ZNF462: variants seen among roughly 807,000 people sequenced by gnomAD.
ZNF462 encodes zinc finger PBX1-interacting protein.
A neutral mutation model predicts 201.9 loss-of-function variants in ZNF462; 10 were observed. The ratio of observed to expected loss-of-function variants is 0.05; its 90% CI spans 0.03 to 0.08. The LOEUF is 0.08. Among genes scored for constraint, ZNF462 ranks in the 10% least tolerant of loss-of-function variants. The pLI is 1.00. For synonymous variants in ZNF462, 1,227 were observed against 1,193.3 expected (o/e 1.03, Z -0.58); for missense variants, 2,523 against 3,168.3 (o/e 0.80, Z 4.89).
chr9:106,900,836 T>C (rs555716302), intron 1 of ZNF462, among the ~76,000 whole-genome samples: 11 of 152,300 alleles, frequency 7.2e-5, no homozygotes, highest in African/African-American at 2.6e-4. Context: ...CTCTGTGGGT[T>C]GTCTGTTTAC....
At chr9:107,001,299 G>A (rs1829165846) in intron 10 of ZNF462, among the ~76,000 whole-genome samples, 2 of 152,140 alleles carry the variant, frequency 1.3e-5, no homozygotes, top group Non-Finnish European at 2.9e-5. Context: ...AGACTTTGTG[G>A]CTAAACATAA....
Position 106,923,745 on chromosome 9 carries a change from T to C in ZNF462, c.220+142T>C. 1 of 775,362 alleles carries C rather than the reference T, an allele frequency of 1.3e-6. No individual in the cohort carries two copies. Among genetic ancestry groups the C allele is most frequent in the Non-Finnish European group, 2.1e-6 (1 of 487,082 alleles). 48.0% of individuals were successfully genotyped at this position (775,362 alleles called of 1,614,324 possible). A position where few individuals can be genotyped will look rare whatever the true frequency, so the allele number is the denominator to read the frequency against. ...AGCCATTTTTGTGGTTTGGGCATCA[T>C]GTATCTCTCCTTGAGTACCTTAGGT... is the stretch of plus-strand genomic sequence containing the variant. On this transcript the variant is annotated intron_variant, in intron 2 of 12. Coordinates refer to ENST00000277225, the MANE Select transcript of ZNF462 (RefSeq NM_021224.6). This position sits in a 1 kb window ranked among gnomAD's most constrained non-coding sequence, Gnocchi z 5.6.
Position 107,006,153 on chromosome 9 carries a change from C to A in ZNF462, c.7189+2727C>A, listed in dbSNP as rs1340408337. On this transcript the variant is annotated intron_variant, in intron 11 of 12. Coordinates refer to ENST00000277225, the MANE Select transcript of ZNF462 (RefSeq NM_021224.6). This position sits in a 1 kb window ranked among gnomAD's most constrained non-coding sequence, Gnocchi z 4.3. The stretch of plus-strand genomic sequence containing the variant: ...ACTTCGTTCTGTTTGTTTAAGATTT[C>A]TTTGGCTATCCAGGGTGTGGTTCCA... Among the ~76,000 whole-genome samples the A allele has an allele frequency of 2.0e-5, 3 of 152,090 alleles. No individual in the cohort carries two copies. The highest frequency in any genetic ancestry group is 2.9e-5 in the Non-Finnish European group (2 of 68,018).
chr9:106,919,843 A>G lies in ZNF462; in HGVS notation c.-30-3511A>G, dbSNP rs1284928665. Reference sequence around the variant, plus strand: ...ATTTGACCTTGAAGGGCCTAGACATATATCTGGGGTAGAAGACAGGGATGC... The same window carrying G: ...ATTTGACCTTGAAGGGCCTAGACATGTATCTGGGGTAGAAGACAGGGATGC... On this transcript the variant is annotated intron_variant, in intron 1 of 12. Transcript: ENST00000277225. This position sits in a 1 kb window ranked among gnomAD's most constrained non-coding sequence, Gnocchi z 4.5. 6.6e-6 allele frequency among the ~76,000 whole-genome samples: 1 copy of G among 152,210 alleles called. No homozygotes were observed. The highest frequency in any genetic ancestry group is 1.9e-4 in the East Asian group (1 of 5,186).
intron 1 of ZNF462, among the ~76,000 whole-genome samples, chr9:106,915,676 G>A (rs1275476870): frequency 6.6e-6 from 1 of 152,202 alleles, no homozygotes; most frequent in Non-Finnish European, 1.5e-5. Flanking sequence ...TTCTGCTACA[G>A]GCAGAAGTCA....
chr9:106,887,426 C>T (rs1363712147), intron 1 of ZNF462, among the ~76,000 whole-genome samples: 1 of 152,186 alleles, frequency 6.6e-6, no homozygotes, highest in East Asian at 1.9e-4. Context: ...CAGGATAATA[C>T]AGAGCCCAAC....
At chr9:106,980,781 G>A (rs1187834095) in intron 9 of ZNF462, among the ~76,000 whole-genome samples, 1 of 152,172 alleles carries the variant, frequency 6.6e-6, no homozygotes, top group East Asian at 1.9e-4. Flanking sequence ...AGTGCTAGAA[G>A]CTGAGTCACA....
chr9:106,879,061 T>C (rs1827966535), intron 1 of ZNF462, among the ~76,000 whole-genome samples: 1 of 152,176 alleles, frequency 6.6e-6, no homozygotes, highest in Non-Finnish European at 1.5e-5. Flanking sequence ...ATTGCATGGC[T>C]GCTGAGAGGG....
rs1829855729 is a variant in ZNF462 at position 107,010,298 on chromosome 9, A to G, written c.7314-525A>G. 6.6e-6 allele frequency among the ~76,000 whole-genome samples: 1 copy of G among 152,180 alleles called. No individual in the cohort carries two copies. The highest frequency in any genetic ancestry group is 1.5e-5 in the Non-Finnish European group (1 of 68,018). ...CTGAAGCCTCAAGGGTCTAGACCTC[A>G]GAGAATATAACCAAGCTTCCCGAGA... On this transcript the variant is annotated intron_variant, in intron 12 of 12. Transcript: ENST00000277225. This position sits in a 1 kb window ranked among gnomAD's most constrained non-coding sequence, Gnocchi z 4.6.
chr9:106,929,157 C>T lies in ZNF462; in HGVS notation c.5245C>T (p.Pro1749Ser), dbSNP rs929720384. The change falls in exon 3 of 13, where the codon CCC becomes TCC. Residue 1749 changes from proline to serine, a missense_variant. Physicochemically the swap from Pro to Ser is moderately conservative, Grantham distance 74. Around this residue, in one of 15 missense-constraint regions of ZNF462, gnomAD observed 207 missense variants for 231.6 expected, o/e 0.89. Transcript: ENST00000277225. This position sits in a 1 kb window ranked among gnomAD's most constrained non-coding sequence, Gnocchi z 8.7. ...CAACAAAGTGATCATCCCATCCCCGCCCAAGGACGACTCCCCTCAGCTGAG... is the reference window on the plus strand; with the variant it reads ...CAACAAAGTGATCATCCCATCCCCGTCCAAGGACGACTCCCCTCAGCTGAG... ...KPNKVIIPSP[P>S]KDDSPQLSEE... 4 of 1,613,994 alleles carry T rather than the reference C, an allele frequency of 2.5e-6. No homozygotes were observed. The highest frequency in any genetic ancestry group is 3.4e-6 in the Non-Finnish European group (4 of 1,180,026).
rs1363886985 is a variant in ZNF462, at chr9:107,006,938, C to T, written c.7190-2607C>T. On this transcript the variant is annotated intron_variant, in intron 11 of 12. Transcript: ENST00000277225. This position sits in a 1 kb window ranked among gnomAD's most constrained non-coding sequence, Gnocchi z 4.3. ...TTCTTACAAGGAAAACGGTTGTGAT[C>T]GGAGAAGCATGGCTTCTTTCTTTTT... Among the ~76,000 whole-genome samples, 4 of 152,118 alleles carry T rather than the reference C, an allele frequency of 2.6e-5. No individual in the cohort carries two copies. The highest frequency in any genetic ancestry group is 2.1e-4 in the South Asian group (1 of 4,824).
chr9:106,996,665 G>A (rs1828755941), intron 10 of ZNF462, among the ~76,000 whole-genome samples: 1 of 151,962 alleles, frequency 6.6e-6, no homozygotes, highest in Non-Finnish European at 1.5e-5. Context: ...GGGGTTGTTT[G>A]ATTTTTTTCT....
At position 106,927,831 on chromosome 9, in the gene ZNF462, T is replaced by C. The variant is rs1830263051; in HGVS notation, c.3919T>C (p.Leu1307=). The part of the protein sequence containing the change: ...SIMRWAFLDG[L]IEAGYHCEWC... The stretch of plus-strand genomic sequence containing the variant: ...CATGCGATGGGCATTTCTAGATGGC[T>C]TGATAGAAGCTGGCTACCACTGCGA... The change falls in exon 3 of 13, where the codon TTG becomes CTG. Residue 1307 remains leucine, a synonymous_variant. Coordinates refer to ENST00000277225, the MANE Select transcript of ZNF462 (RefSeq NM_021224.6). 2 of 1,614,056 alleles carry C rather than the reference T, an allele frequency of 1.2e-6. No homozygotes were observed. The highest frequency in any genetic ancestry group is 2.7e-5 in the African/African-American group (2 of 74,906).
rs779245295 is a variant in ZNF462, at chr9:106,927,266, C to T, written c.3354C>T (p.His1118=). Residue 1118 remains histidine (H), a synonymous_variant, in exon 3 of 13, where the codon CAC becomes CAT. Transcript: ENST00000277225. Reference sequence around the variant, plus strand: ...GTACTGAGCTTTACTACTGCAAACACTGTTCCTACAGCAATCGGTCAGTTG... The same window carrying T: ...GTACTGAGCTTTACTACTGCAAACATTGTTCCTACAGCAATCGGTCAGTTG... ...DLSTELYYCK[H]CSYSNRSVVG... The T allele has an allele frequency of 1.9e-6, 3 of 1,541,126 alleles. No individual in the cohort carries two copies. The African/African-American group carries it at 4.2e-5, about 22-fold the overall frequency.
intron 10 of ZNF462, among the ~76,000 whole-genome samples, chr9:106,985,598 A>G (rs777683208): frequency 6.6e-6 from 1 of 152,214 alleles, no homozygotes; most frequent in Non-Finnish European, 1.5e-5. Flanking sequence ...ATTAGCCAAC[A>G]AGTCCAAAAT....
At position 106,905,976 on chromosome 9, in the gene ZNF462, T is replaced by C. The variant is rs1829254657; in HGVS notation, c.-30-17378T>C. On this transcript the variant is annotated intron_variant, in intron 1 of 12. Transcript: ENST00000277225. This position sits in a 1 kb window ranked among gnomAD's most constrained non-coding sequence, Gnocchi z 5.9. ...AGAGTTCCTTCTCCCTGTGGAGTTTTACCCCCTGCTCCTCTGGCCACCCTC... is the reference window on the plus strand; with the variant it reads ...AGAGTTCCTTCTCCCTGTGGAGTTTCACCCCCTGCTCCTCTGGCCACCCTC... Among the ~76,000 whole-genome samples, 1 of 152,326 alleles carries C rather than the reference T, an allele frequency of 6.6e-6. No homozygotes were observed. Among genetic ancestry groups the C allele is most frequent in the South Asian group, 2.1e-4 (1 of 4,824 alleles).
At chr9:106,949,164 C>T (rs527797414) in intron 7 of ZNF462, among the ~76,000 whole-genome samples, 1 of 152,306 alleles carries the variant, frequency 6.6e-6, no homozygotes, top group Non-Finnish European at 1.5e-5. Flanking sequence ...TGACCCTTGG[C>T]ATTTATTTCC....
In ZNF462 at chr9:106,923,803, A is replaced by G. The variant is rs1830080055; in HGVS notation, c.220+200A>G. On this transcript the variant is annotated intron_variant, in intron 2 of 12. Coordinates refer to ENST00000277225, the MANE Select transcript of ZNF462 (RefSeq NM_021224.6). This position sits in a 1 kb window ranked among gnomAD's most constrained non-coding sequence, Gnocchi z 5.6. ...TTTCGAAAGCTTCCTCATATATCCTACCTTTCAATTTGGAGAACAAGATAG... is the reference window on the plus strand; with the variant it reads ...TTTCGAAAGCTTCCTCATATATCCTGCCTTTCAATTTGGAGAACAAGATAG... Among the ~76,000 whole-genome samples, 1 of 152,160 alleles carries G rather than the reference A, an allele frequency of 6.6e-6. No individual in the cohort carries two copies. The highest frequency in any genetic ancestry group is 2.4e-5 in the African/African-American group (1 of 41,438).
chr9:106,906,423 A>G (rs183973123), intron 1 of ZNF462, among the ~76,000 whole-genome samples: 67 of 152,274 alleles, frequency 4.4e-4, no homozygotes, highest in African/African-American at 1.6e-3. Flanking sequence ...GATAACAGAG[A>G]TCCCTGCTTT....
Sources: allele counts gnomAD v4.1 joint callset (sites outside exome capture counted in the v4.1 genomes callset), GRCh38; gene constraint gnomAD v4.1.1; regional missense constraint gnomAD v4.1.1; non-coding constraint Gnocchi (gnomAD v3.1); transcripts MANE v1.5; gene names NCBI Gene and HGNC (gene_info 2026-07-23, HGNC 2026-07-21).